MKLN1: variants seen among roughly 807,000 people sequenced by gnomAD.
MKLN1 encodes muskelin 1.
In MKLN1, 18 loss-of-function variants were observed where a neutral mutation model predicts 99.0. The observed-to-expected ratio is 0.18, with a 90% CI of 0.13 to 0.27. The LOEUF is 0.27. Ranked by LOEUF, MKLN1 falls within the 10% of genes least tolerant of loss-of-function variation. MKLN1 has a pLI of 1.00. For missense variants in MKLN1, 621 were observed against 875.9 expected, an observed-to-expected ratio of 0.71 and a Z score of 3.67; for synonymous variants, 288 against 293.2, an observed-to-expected ratio of 0.98 and a Z score of 0.18.
chr7:131,255,937 G>A (rs530038453), intron 3 of MKLN1, among the ~76,000 whole-genome samples: 13 of 148,334 alleles, frequency 8.8e-5, no homozygotes, highest in Admixed American at 2.0e-4. Flanking sequence ...ATGGAGTCTC[G>A]CTCTGTTTCC....
At chr7:131,282,287 T>A (rs1414575403) in intron 3 of MKLN1, among the ~76,000 whole-genome samples, 1 of 146,010 alleles carries the variant, frequency 6.8e-6, no homozygotes, top group Non-Finnish European at 1.5e-5. Flanking sequence ...AGGCGGAGGT[T>A]GTGGTGAGCC....
chr7:131,295,891 A>AG (rs928454779), intron 3 of MKLN1, among the ~76,000 whole-genome samples: 1 of 151,970 alleles, frequency 6.6e-6, no homozygotes, highest in African/African-American at 2.4e-5. Context: ...TCCAAAAAAA[A>AG]AAAAAAAGGA....
intron 12 of MKLN1, among the ~76,000 whole-genome samples, chr7:131,453,346 A>G (rs893860878): frequency 1.3e-5 from 2 of 152,244 alleles, no homozygotes; most frequent in African/African-American, 2.4e-5. Flanking sequence ...AGCAGATAGT[A>G]TAAAAATGTC....
chr7:131,363,902 A>T (rs543096089), intron 1 of MKLN1, among the ~76,000 whole-genome samples: 1 of 152,078 alleles, frequency 6.6e-6, no homozygotes, highest in South Asian at 2.1e-4. Context: ...ACAACTGGAG[A>T]TCCTATCTCA....
At chr7:131,262,306 G>C (rs1053490933) in intron 3 of MKLN1, among the ~76,000 whole-genome samples, 1 of 151,732 alleles carries the variant, frequency 6.6e-6, no homozygotes, top group Non-Finnish European at 1.5e-5. Context: ...TCGTGGTGGC[G>C]TGCGACTGTA....
chr7:131,375,519 C>T (rs1265519409), intron 2 of MKLN1, 26 bp downstream of exon 2: 12 of 1,382,712 alleles, frequency 8.7e-6, no homozygotes, highest in Non-Finnish European at 1.2e-5. Context: ...TCCCTTAATG[C>T]TGTTTAGAAG....
chr7:131,414,157 A>C (rs1794952100), intron 7 of MKLN1, among the ~76,000 whole-genome samples: 2 of 152,220 alleles, frequency 1.3e-5, no homozygotes, highest in African/African-American at 4.8e-5. Context: ...AAATAATTGT[A>C]TACATTATAC....
intron 3 of MKLN1, among the ~76,000 whole-genome samples, chr7:131,255,817 G>A (rs542202329): frequency 6.6e-6 from 1 of 151,972 alleles, no homozygotes; most frequent in Non-Finnish European, 1.5e-5. Flanking sequence ...CTGACCTCTG[G>A]TGAGCCACCC....
chr7:131,160,475 A>G (rs1465116436), intron 2 of MKLN1, among the ~76,000 whole-genome samples: 2 of 143,284 alleles, frequency 1.4e-5, no homozygotes, highest in African/African-American at 2.5e-5. Context: ...TGTTTAACTT[A>G]TTTTATTATT....
chr7:131,162,321 G>A (rs1243246452), intron 2 of MKLN1, among the ~76,000 whole-genome samples: 1 of 151,978 alleles, frequency 6.6e-6, no homozygotes, highest in Non-Finnish European at 1.5e-5. Flanking sequence ...TCAAAATGCT[G>A]GAATTATAGG....
At chr7:131,478,315 T>C (rs182723410) in intron 16 of MKLN1, among the ~76,000 whole-genome samples, 79 of 152,294 alleles carry the variant, frequency 5.2e-4, no homozygotes, top group Non-Finnish European at 1.0e-3. Context: ...CAAATGACAG[T>C]TTTCTTTTTT....
intron 1 of MKLN1, among the ~76,000 whole-genome samples, chr7:131,110,984 A>G (rs963562280): frequency 7.9e-5 from 12 of 152,254 alleles, no homozygotes; most frequent in African/African-American, 2.6e-4. Flanking sequence ...GAAACCTACA[A>G]CTGAGAGCAG....
rs527792515 is a variant in MKLN1 at position 131,208,081 on chromosome 7, C to A, written c.-179+5107C>A. Among the ~76,000 whole-genome samples, 10 of 152,142 alleles carry A rather than the reference C, an allele frequency of 6.6e-5. No individual in the cohort carries two copies. The South Asian group carries it at 2.1e-3, about 32-fold the overall frequency. On this transcript the variant is annotated intron_variant, in intron 3 of 7. Transcript: ENST00000416992. Reference sequence around the variant, plus strand: ...TCGGAAAAGAGTGAGAAAATGCTACCATATTATTGGGCAAAGAGAAGTAAG... The same window carrying A: ...TCGGAAAAGAGTGAGAAAATGCTACAATATTATTGGGCAAAGAGAAGTAAG...
At chr7:131,365,639 T>C (rs948853876) in intron 1 of MKLN1, among the ~76,000 whole-genome samples, 1 of 151,934 alleles carries the variant, frequency 6.6e-6, no homozygotes, top group African/African-American at 2.4e-5. Flanking sequence ...AGGAAGGGAG[T>C]CCAGCCTCGA....
intron 2 of MKLN1, among the ~76,000 whole-genome samples, chr7:131,186,902 A>G (rs549060117): frequency 9.2e-5 from 14 of 152,250 alleles, no homozygotes; most frequent in Non-Finnish European, 1.5e-5. Context: ...TCCAAGAGGC[A>G]GTATCATTGA....
At chr7:131,446,745 A>G (rs1796029629) in intron 12 of MKLN1, among the ~76,000 whole-genome samples, 1 of 152,202 alleles carries the variant, frequency 6.6e-6, no homozygotes, top group Non-Finnish European at 1.5e-5. Context: ...CACATTTAAG[A>G]AGAAAAACTT....
chr7:131,200,218 C>A (rs987085375), intron 2 of MKLN1, among the ~76,000 whole-genome samples: 6 of 152,112 alleles, frequency 3.9e-5, no homozygotes, highest in African/African-American at 1.2e-4. Context: ...AAACTCCCAC[C>A]CTGAGATTCC....
chr7:131,395,605 C>CA (rs1169142355), intron 4 of MKLN1, among the ~76,000 whole-genome samples: 1 of 151,536 alleles, frequency 6.6e-6, no homozygotes, highest in African/African-American at 2.4e-5. Flanking sequence ...AGCAGTTTTA[C>CA]ACACCATTGC....
At chr7:131,467,914 A>C (rs1796704702) in intron 15 of MKLN1, among the ~76,000 whole-genome samples, 1 of 152,162 alleles carries the variant, frequency 6.6e-6, no homozygotes, top group South Asian at 2.1e-4. Flanking sequence ...AGGTTTGAGA[A>C]GTCTGTGAGA....
Sources: gnomAD v4.1 joint callset for allele counts (sites outside exome capture counted in the v4.1 genomes callset) on GRCh38, gnomAD v4.1.1 for gene constraint, MANE v1.5 for transcripts, NCBI Gene and HGNC (gene_info 2026-07-23, HGNC 2026-07-21) for gene names.